FSTL5: variants seen among roughly 807,000 people sequenced by gnomAD.
FSTL5 encodes the protein follistatin like 5, also known as follistatin-related protein 5.
A neutral mutation model predicts 89.1 loss-of-function variants in FSTL5; 62 were observed. That is an observed-to-expected ratio of 0.70 (90% CI 0.57 to 0.86). The LOEUF is 0.86. Ranked by LOEUF, FSTL5 falls within the 40% of genes least tolerant of loss-of-function variation. The pLI, the probability that FSTL5 is intolerant of heterozygous loss-of-function variation, is 0.00. For missense variants in FSTL5, 1,057 were observed against 1,001.6 expected, an observed-to-expected ratio of 1.06 and a Z score of -0.75; for synonymous variants, 383 against 346.2, an observed-to-expected ratio of 1.11 and a Z score of -1.18.
At chr4:162,104,482 A>C (rs900421175) in intron 2 of FSTL5, among the ~76,000 whole-genome samples, 6 of 152,306 alleles carry the variant, frequency 3.9e-5, no homozygotes, top group African/African-American at 1.4e-4. Flanking sequence ...GACCCCTGTA[A>C]CACTATAATA....
intron 3 of FSTL5, among the ~76,000 whole-genome samples, chr4:161,992,878 ATATATATATATATATATATGTG>A (rs1736160104): frequency 1.3e-4 from 2 of 15,568 alleles, no homozygotes; most frequent in African/African-American, 3.8e-4. Flanking sequence ...ATATATATAT[ATATATATATATATATATATGTG>A]TGTGTATATA....
intron 2 of FSTL5, among the ~76,000 whole-genome samples, chr4:162,075,646 A>G (rs1262689779): frequency 6.6e-6 from 1 of 151,928 alleles, no homozygotes; most frequent in Non-Finnish European, 1.5e-5. Context: ...GATAGAGGAC[A>G]TCAGTCTCCT....
chr4:161,826,954 T>G (rs1730687355), intron 4 of FSTL5, among the ~76,000 whole-genome samples: 2 of 152,210 alleles, frequency 1.3e-5, no homozygotes, highest in African/African-American at 2.4e-5. Context: ...TTTTTAAATT[T>G]ATTTACTGTG....
At chr4:162,061,715 TC>T (rs1738723505) in intron 2 of FSTL5, among the ~76,000 whole-genome samples, 1 of 152,038 alleles carries the variant, frequency 6.6e-6, no homozygotes, top group Admixed American at 6.6e-5. Context: ...AAACACAGGG[TC>T]CCATGCAAAT....
intron 13 of FSTL5, among the ~76,000 whole-genome samples, chr4:161,460,780 A>G (rs528954824): frequency 1.1e-4 from 17 of 152,204 alleles, no homozygotes; most frequent in African/African-American, 4.1e-4. Context: ...CCTCGCTAAG[A>G]GAGTCACTAT....
At position 161,624,906 on chromosome 4, in the gene FSTL5, G is replaced by A. The variant is rs1341431164; in HGVS notation, c.894+31422C>T. Among the ~76,000 whole-genome samples, 4 of 152,070 alleles carry A rather than the reference G, an allele frequency of 2.6e-5. No homozygotes were observed. In the South Asian group the frequency reaches 6.2e-4, roughly 24 times the overall value. On this transcript the variant is annotated intron_variant, in intron 7 of 15. Coordinates refer to ENST00000306100, the MANE Select transcript of FSTL5 (RefSeq NM_020116.5). ...CCAGATTCTATGCAGAAGTCCTACC[G>A]GAAGCAGCAGAGAAGCCGGTGCTAC... is the stretch of plus-strand genomic sequence containing the variant.
chr4:161,992,917 T>C lies in FSTL5; in HGVS notation c.160+40708A>G, dbSNP rs375370749. ...ATATATGTGTGTGTATATATATATA[T>C]ATATATATGTGTGTATATATATATG... On this transcript the variant is annotated intron_variant, in intron 3 of 15. Coordinates refer to ENST00000306100, the MANE Select transcript of FSTL5 (RefSeq NM_020116.5). 5.3e-3 allele frequency among the ~76,000 whole-genome samples: 75 copies of C among 14,154 alleles called. 1 individual carries two copies. The highest frequency in any genetic ancestry group is 0.013 in the African/African-American group (70 of 5,590). 9.3% of individuals were successfully genotyped at this position (14,154 alleles called of 152,430 possible). A position where few individuals can be genotyped will look rare whatever the true frequency, so the allele number is the denominator to read the frequency against.
intron 3 of FSTL5, among the ~76,000 whole-genome samples, chr4:161,979,126 A>G (rs466478): frequency 0.13 from 19,639 of 152,138 alleles, 1,758 homozygotes; most frequent in African/African-American, 0.26. Context: ...GGTCTTGGCT[A>G]TGTGGCTTAC....
At chr4:161,564,628 TATA>T (rs1176563522) in intron 8 of FSTL5, among the ~76,000 whole-genome samples, 1 of 151,606 alleles carries the variant, frequency 6.6e-6, no homozygotes, top group African/African-American at 2.4e-5. Flanking sequence ...AAATGATACT[TATA>T]ATCTTTAATC....
intron 2 of FSTL5, among the ~76,000 whole-genome samples, chr4:162,095,262 T>C (rs1053912401): frequency 6.6e-6 from 1 of 152,086 alleles, no homozygotes; most frequent in Non-Finnish European, 1.5e-5. Flanking sequence ...TAGAGCAGAT[T>C]TTCCCAAATT....
chr4:161,626,486 A>T (rs1272463873), intron 7 of FSTL5, among the ~76,000 whole-genome samples: 3 of 152,172 alleles, frequency 2.0e-5, no homozygotes, highest in Non-Finnish European at 4.4e-5. Flanking sequence ...ATAAAAAAAT[A>T]AAAAACGATT....
At chr4:161,813,186 G>A (rs1579110987) in intron 4 of FSTL5, among the ~76,000 whole-genome samples, 1 of 151,924 alleles carries the variant, frequency 6.6e-6, no homozygotes, top group Non-Finnish European at 1.5e-5. Context: ...GCTACCACAC[G>A]CGGCAATTTT....
chr4:161,504,478 G>GTTT (rs80255593), intron 11 of FSTL5, among the ~76,000 whole-genome samples: 333 of 147,764 alleles, frequency 2.3e-3, no homozygotes, highest in South Asian at 5.5e-3. Flanking sequence ...TTTCGTTTTT[G>GTTT]TTTTTTTTTT....
intron 3 of FSTL5, among the ~76,000 whole-genome samples, chr4:161,977,612 CAAAAAAAAAAAAAAAAAAA>C (rs796909244): frequency 7.4e-5 from 7 of 95,138 alleles, no homozygotes; most frequent in African/African-American, 2.3e-4. Flanking sequence ...GACTCCGTGT[CAAAAAAAAAAAAAAAAAAA>C]AAAAAAAAAA....
At chr4:161,577,696 A>C (rs980434304) in intron 8 of FSTL5, among the ~76,000 whole-genome samples, 1 of 152,148 alleles carries the variant, frequency 6.6e-6, no homozygotes, top group Non-Finnish European at 1.5e-5. Flanking sequence ...ATCTAAATAC[A>C]GATCTGCTGA....
At chr4:161,715,696 T>A (rs1738951126) in intron 6 of FSTL5, among the ~76,000 whole-genome samples, 1 of 152,200 alleles carries the variant, frequency 6.6e-6, no homozygotes, top group Non-Finnish European at 1.5e-5. Flanking sequence ...CTGATAGGCA[T>A]CTGTACATAT....
chr4:161,520,612 C>T (rs1226006760), intron 10 of FSTL5, among the ~76,000 whole-genome samples: 1 of 152,034 alleles, frequency 6.6e-6, no homozygotes, highest in Non-Finnish European at 1.5e-5. Flanking sequence ...ACCATACCAA[C>T]TAATTATATG....
intron 15 of FSTL5, among the ~76,000 whole-genome samples, chr4:161,437,520 T>C (rs1578973816): frequency 8.3e-6 from 1 of 120,878 alleles, no homozygotes; most frequent in Non-Finnish European, 1.6e-5. Flanking sequence ...TGAGCAGAGA[T>C]GGCGCCACCG....
chr4:161,563,069 T>C (rs1415344742), intron 8 of FSTL5, among the ~76,000 whole-genome samples: 1 of 152,004 alleles, frequency 6.6e-6, no homozygotes, highest in Non-Finnish European at 1.5e-5. Flanking sequence ...ATGGTGGCTG[T>C]GTCCCCGCAT....
Sources: gnomAD v4.1 joint callset for allele counts (sites outside exome capture counted in the v4.1 genomes callset) on GRCh38, gnomAD v4.1.1 for gene constraint, MANE v1.5 for transcripts, NCBI Gene and HGNC (gene_info 2026-07-23, HGNC 2026-07-21) for gene names.